Variants in SLC35F3 observed in about 807,000 individuals in gnomAD.
SLC35F3 encodes the protein putative thiamine transporter SLC35F3.
SLC35F3 carries 25 observed loss-of-function variants against 49.9 expected under a neutral mutation model. The observed-to-expected ratio is 0.50, with a 90% CI of 0.37 to 0.70. The LOEUF is 0.70. Among genes scored for constraint, SLC35F3 ranks in the 30% least tolerant of loss-of-function variants. SLC35F3 has a pLI of 0.00. For missense variants in SLC35F3, 525 were observed against 639.8 expected, an observed-to-expected ratio of 0.82 and a Z score of 1.94; for synonymous variants, 275 against 265.4, an observed-to-expected ratio of 1.04 and a Z score of -0.35.
intron 2 of SLC35F3, among the ~76,000 whole-genome samples, chr1:234,099,928 T>C (rs1409293544): frequency 6.6e-6 from 1 of 152,228 alleles, no homozygotes; most frequent in Non-Finnish European, 1.5e-5. Flanking sequence ...TATAATTCTG[T>C]TAACAATTAA....
chr1:234,318,514 A>G (rs1172758405), intron 5 of SLC35F3, among the ~76,000 whole-genome samples: 1 of 152,132 alleles, frequency 6.6e-6, no homozygotes, highest in East Asian at 1.9e-4. Context: ...TAGTATGAAA[A>G]CCCATGACTT....
chr1:234,220,909 G>A (rs528815740), intron 2 of SLC35F3, among the ~76,000 whole-genome samples: 1 of 152,290 alleles, frequency 6.6e-6, no homozygotes, highest in East Asian at 1.9e-4. Flanking sequence ...GTAGGAGGCA[G>A]GGAAGTGGCA....
chr1:234,228,818 G>C (rs73110475), intron 2 of SLC35F3, among the ~76,000 whole-genome samples: 1 of 151,906 alleles, frequency 6.6e-6, no homozygotes, highest in Non-Finnish European at 1.5e-5. Context: ...GATATCCCTG[G>C]GTGCTAACAT....
chr1:234,276,466 T>A (rs901203507), intron 3 of SLC35F3, among the ~76,000 whole-genome samples: 10 of 152,118 alleles, frequency 6.6e-5, no homozygotes, highest in Non-Finnish European at 1.5e-5. Context: ...CCCTCTACTG[T>A]GTATAAGGCA....
At chr1:234,179,283 A>T (rs1286119141) in intron 2 of SLC35F3, among the ~76,000 whole-genome samples, 3 of 152,220 alleles carry the variant, frequency 2.0e-5, no homozygotes, top group Non-Finnish European at 4.4e-5. Flanking sequence ...GATGAAGCTA[A>T]TGGAAAGCAT....
intron 2 of SLC35F3, among the ~76,000 whole-genome samples, chr1:233,906,727 CG>C (rs1015505007): frequency 6.6e-6 from 1 of 151,874 alleles, no homozygotes; most frequent in African/African-American, 2.4e-5. Context: ...AAGGGGAAAA[CG>C]GGCGTTTGTA....
intron 2 of SLC35F3, among the ~76,000 whole-genome samples, chr1:234,063,756 CA>C (rs1416922870): frequency 6.6e-6 from 1 of 152,116 alleles, no homozygotes; most frequent in African/African-American, 2.4e-5. Flanking sequence ...AATACTGAAA[CA>C]GTTGTTATGG....
chr1:234,147,643 G>A (rs1478736482), intron 2 of SLC35F3, among the ~76,000 whole-genome samples: 2 of 152,152 alleles, frequency 1.3e-5, no homozygotes. Flanking sequence ...AGTCAGCTTA[G>A]TACCGGAGAA....
At position 234,097,338 on chromosome 1, in the gene SLC35F3, CAAAATTAAAAAG is replaced by C. The variant is rs374416551; in HGVS notation, c.284-134065_284-134054del. Among the ~76,000 whole-genome samples, 309 of 152,196 alleles carry C rather than the reference CAAAATTAAAAAG, an allele frequency of 2.0e-3. 2 individuals are homozygous for C. In the East Asian group the frequency reaches 0.02, roughly 10 times the overall value. On this transcript the variant is annotated intron_variant, in intron 2 of 7. Coordinates refer to ENST00000366618, the MANE Select transcript of SLC35F3 (RefSeq NM_173508.4). Reference sequence around the variant, plus strand: ...AAAATCACTTGTACCCCAAAGCTATCAAAATTAAAAAGAAAATTAAAAAGATGTCTTCCATTT... The same window carrying C: ...AAAATCACTTGTACCCCAAAGCTATCAAAATTAAAAAGATGTCTTCCATTT...
At chr1:234,311,034 G>A (rs1402454681) in intron 4 of SLC35F3, among the ~76,000 whole-genome samples, 1 of 152,184 alleles carries the variant, frequency 6.6e-6, no homozygotes, top group East Asian at 1.9e-4. Flanking sequence ...GAAGGCCTTT[G>A]GTACTAGACT....
At chr1:234,041,525 G>A (rs1391262899) in intron 2 of SLC35F3, among the ~76,000 whole-genome samples, 2 of 151,958 alleles carry the variant, frequency 1.3e-5, no homozygotes, top group Non-Finnish European at 2.9e-5. Flanking sequence ...CATACATGCA[G>A]CTATCCATCT....
rs1657681986 is a variant in SLC35F3, at chr1:234,323,476, T to A, written c.*233T>A. On this transcript the variant is annotated 3_prime_UTR_variant, in exon 8 of 8. Transcript: ENST00000366618. The surrounding 1 kb of genome is among the most constrained non-coding windows in gnomAD (Gnocchi z 4.5). ...AACCTCTCAGTGCTTTTCCAACGAA[T>A]GTAAAGTGGGTTTAAAAGTTCCCTG... The A allele has an allele frequency of 5.5e-6, 3 of 550,200 alleles. No homozygotes were observed. The highest frequency in any genetic ancestry group is 4.5e-5 in the South Asian group (2 of 44,008). 34.1% of individuals were successfully genotyped at this position (550,200 alleles called of 1,614,324 possible).
chr1:233,942,824 A>C (rs183394014), intron 2 of SLC35F3, among the ~76,000 whole-genome samples: 1 of 152,302 alleles, frequency 6.6e-6, no homozygotes, highest in South Asian at 2.1e-4. Context: ...TGGAGCTTTA[A>C]TGACTGAAAC....
At chr1:234,150,047 C>T (rs1666054738) in intron 2 of SLC35F3, among the ~76,000 whole-genome samples, 1 of 152,198 alleles carries the variant, frequency 6.6e-6, no homozygotes, top group South Asian at 2.1e-4. Flanking sequence ...CATCCTTATC[C>T]CATAGACTTT....
intron 3 of SLC35F3, among the ~76,000 whole-genome samples, chr1:234,236,860 A>G (rs1667477884): frequency 1.3e-5 from 2 of 149,166 alleles, no homozygotes; most frequent in South Asian, 2.1e-4. Flanking sequence ...GTGGATGACA[A>G]TTGTTGTTCT....
At chr1:234,114,356 A>G (rs531865305) in intron 2 of SLC35F3, among the ~76,000 whole-genome samples, 1 of 152,304 alleles carries the variant, frequency 6.6e-6, no homozygotes, top group African/African-American at 2.4e-5. Context: ...TTTTTAAAAG[A>G]TTGCTTGTTT....
chr1:234,052,504 T>C (rs1664392924), intron 2 of SLC35F3, among the ~76,000 whole-genome samples: 1 of 152,212 alleles, frequency 6.6e-6, no homozygotes, highest in South Asian at 2.1e-4. Flanking sequence ...CATATTTTAT[T>C]GCATCTAGTT....
intron 3 of SLC35F3, among the ~76,000 whole-genome samples, chr1:234,296,759 T>C (rs1260357608): frequency 6.6e-6 from 1 of 152,224 alleles, no homozygotes; most frequent in East Asian, 1.9e-4. Flanking sequence ...AAAGAACAGA[T>C]TCCTGTGGAG....
chr1:234,267,671 CG>C (rs1438148706), intron 3 of SLC35F3, among the ~76,000 whole-genome samples: 3 of 151,454 alleles, frequency 2.0e-5, no homozygotes, highest in African/African-American at 7.3e-5. Flanking sequence ...GGGCGGCTGC[CG>C]GGCGGAGACG....
Sources: gnomAD v4.1 joint callset for allele counts (sites outside exome capture counted in the v4.1 genomes callset) on GRCh38, gnomAD v4.1.1 for gene constraint, Gnocchi (gnomAD v3.1) non-coding constraint, MANE v1.5 for transcripts, NCBI Gene and HGNC (gene_info 2026-07-23, HGNC 2026-07-21) for gene names.